The following ABTB2 variants were observed in gnomAD, a reference collection of about 807,000 sequenced individuals.
ABTB2 encodes the protein ankyrin repeat and BTB domain containing 2.
ABTB2 carries 56 observed loss-of-function variants against 104.1 expected under a neutral mutation model. That is an observed-to-expected ratio of 0.54 (90% CI 0.43 to 0.67). ABTB2 has a LOEUF of 0.67. Ranked by LOEUF, ABTB2 falls within the 30% of genes least tolerant of loss-of-function variation. The pLI is 0.00. For synonymous variants in ABTB2, 606 were observed against 608.2 expected, an observed-to-expected ratio of 1.00 and a Z score of 0.05; for missense variants, 1,279 against 1,407.7, an observed-to-expected ratio of 0.91 and a Z score of 1.46.
At chr11:34,292,228 A>C (rs1024978895) in intron 1 of ABTB2, among the ~76,000 whole-genome samples, 1 of 152,214 alleles carries the variant, frequency 6.6e-6, no homozygotes, top group African/African-American at 2.4e-5. Context: ...GAGGGAAGGA[A>C]AAGCCGCAGT....
chr11:34,154,698 C>T lies in ABTB2; in HGVS notation c.2766+3G>A, dbSNP rs1474408736. 6.2e-7 allele frequency: 1 copy of T among 1,614,170 alleles called. No homozygotes were observed. Among genetic ancestry groups the T allele is most frequent in the Non-Finnish European group, 8.5e-7 (1 of 1,179,986 alleles). ...GGCCCCCTCCCCCTCTCCCGAGTCT[C>T]ACCTCCAGGATGTCAGTGGTGGGGA... On this transcript the variant is annotated splice_donor_region_variant and intron_variant, in intron 15 of 16. Transcript: ENST00000435224. The surrounding 1 kb of genome is among the most constrained non-coding windows in gnomAD (Gnocchi z 4.9).
chr11:34,290,008 A>G (rs867815572), intron 1 of ABTB2, among the ~76,000 whole-genome samples: 1 of 152,174 alleles, frequency 6.6e-6, no homozygotes, highest in South Asian at 2.1e-4. Context: ...CAATTATTTC[A>G]CCTCCAACAG....
At chr11:34,184,101 G>A (rs909326397) in intron 3 of ABTB2, among the ~76,000 whole-genome samples, 3 of 150,386 alleles carry the variant, frequency 2.0e-5, no homozygotes, top group South Asian at 2.1e-4. Flanking sequence ...TCTATGTTGC[G>A]CAGGCTTGAG....
chr11:34,267,070 T>A (rs1854261416), intron 1 of ABTB2, among the ~76,000 whole-genome samples: 1 of 152,030 alleles, frequency 6.6e-6, no homozygotes, highest in African/African-American at 2.4e-5. Flanking sequence ...AGAGGAAAAT[T>A]CTCTCAATGT....
At position 34,161,778 on chromosome 11, in the gene ABTB2, C is replaced by T. The variant is rs1434295296; in HGVS notation, c.2219-697G>A. 4.6e-5 allele frequency among the ~76,000 whole-genome samples: 7 copies of T among 152,202 alleles called. No individual in the cohort carries two copies. The East Asian group carries it at 1.3e-3, about 29-fold the overall frequency. ...GAGAGACAGCTTCTTACCCCAACCT[C>T]ACTGTGGATCAAAGAACTGACGGCA... On this transcript the variant is annotated intron_variant, in intron 10 of 16. Transcript: ENST00000435224.
chr11:34,189,034 A>G (rs1853138864), intron 3 of ABTB2: 1 of 152,218 alleles, frequency 6.6e-6, no homozygotes, highest in Admixed American at 6.5e-5. Flanking sequence ...AGCCAGAAGA[A>G]AAGAGCTGGG....
At chr11:34,235,725 G>C (rs573220200) in intron 1 of ABTB2, among the ~76,000 whole-genome samples, 264 of 152,298 alleles carry the variant, frequency 1.7e-3, no homozygotes, top group African/African-American at 5.9e-3. Flanking sequence ...CCACTCCTAT[G>C]AAGTAGCAAC....
At chr11:34,191,352 T>C (rs11032544) in intron 3 of ABTB2, among the ~76,000 whole-genome samples, 8,798 of 152,284 alleles carry the variant, frequency 0.058, 869 homozygotes, top group African/African-American at 0.2. Context: ...CTCCAGCTCT[T>C]TGAAATTCTG....
At chr11:34,157,114 T>C (rs991053099) in intron 14 of ABTB2, among the ~76,000 whole-genome samples, 1 of 152,152 alleles carries the variant, frequency 6.6e-6, no homozygotes, top group African/African-American at 2.4e-5. Flanking sequence ...CAGGCTTTGT[T>C]AGGGAGCCCT....
At chr11:34,281,120 T>C (rs923577440) in intron 1 of ABTB2, among the ~76,000 whole-genome samples, 1 of 152,066 alleles carries the variant, frequency 6.6e-6, no homozygotes, top group African/African-American at 2.4e-5. Flanking sequence ...CCCAAACCAC[T>C]GTCTCAGCAA....
rs1214947518 is a variant in ABTB2 at position 34,356,692 on chromosome 11, C to A, written c.883+9G>T. The A allele has an allele frequency of 1.3e-6, 2 of 1,572,846 alleles. No homozygotes were observed. Among genetic ancestry groups the A allele is most frequent in the Non-Finnish European group, 1.7e-6 (2 of 1,152,136 alleles). The stretch of plus-strand genomic sequence containing the variant: ...ACCCAGTCTGCCAGTCCGAGGCCCG[C>A]GCGCTTACCATTGGCGTTCTTGCCG... On this transcript the variant is annotated intron_variant, in intron 1 of 16. Coordinates refer to ENST00000435224, the MANE Select transcript of ABTB2 (RefSeq NM_145804.3). The surrounding 1 kb of genome is among the most constrained non-coding windows in gnomAD (Gnocchi z 4.6).
chr11:34,346,856 C>T lies in ABTB2; in HGVS notation c.883+9845G>A, dbSNP rs190566896. 3.3e-5 allele frequency among the ~76,000 whole-genome samples: 5 copies of T among 152,314 alleles called. No homozygotes were observed. The East Asian group carries it at 9.6e-4, about 29-fold the overall frequency. On this transcript the variant is annotated intron_variant, in intron 1 of 16. Transcript: ENST00000435224. ...CCGGATGCTTGTGCACGTACACCCA[C>T]TTGGTGTGTGAGCCTCAGGCTTGTG...
intron 1 of ABTB2, among the ~76,000 whole-genome samples, chr11:34,351,214 C>A (rs1040971069): frequency 7.2e-5 from 11 of 152,054 alleles, no homozygotes; most frequent in Admixed American, 2.0e-4. Context: ...TTGGTTCAGT[C>A]CTCAGACTGG....
At chr11:34,164,652 C>T in intron 9 of ABTB2, 34 bp downstream of exon 9, 2 of 1,456,594 alleles carry the variant, frequency 1.4e-6, no homozygotes, top group Non-Finnish European at 1.8e-6. Context: ...TCAGTGCCCT[C>T]ATGTCACACA....
intron 1 of ABTB2, among the ~76,000 whole-genome samples, chr11:34,294,212 C>G (rs1298236417): frequency 6.6e-6 from 1 of 152,054 alleles, no homozygotes; most frequent in African/African-American, 2.4e-5. Flanking sequence ...GGGCCATAGT[C>G]CCACCCACTC....
intron 1 of ABTB2, among the ~76,000 whole-genome samples, chr11:34,279,787 C>CTTTTTTTTT: frequency 7.7e-6 from 1 of 129,542 alleles, no homozygotes; most frequent in African/African-American, 2.9e-5. Context: ...CTTTCTTCTT[C>CTTTTTTTTT]TTTTTTTTTT....
intron 2 of ABTB2, among the ~76,000 whole-genome samples, chr11:34,202,528 A>G (rs1446746397): frequency 6.6e-6 from 1 of 152,178 alleles, no homozygotes; most frequent in Non-Finnish European, 1.5e-5. Flanking sequence ...GAGTGACACA[A>G]CCCAATTTAA....
chr11:34,336,850 C>T (rs190902714), intron 1 of ABTB2, among the ~76,000 whole-genome samples: 78 of 152,156 alleles, frequency 5.1e-4, no homozygotes, highest in African/African-American at 1.8e-3. Context: ...GACTAACATA[C>T]GGGAGACTCA....
Position 34,167,295 on chromosome 11 carries a change from T to C in ABTB2, c.1719A>G (p.Thr573=), listed in dbSNP as rs1356883023. 2.5e-6 allele frequency: 4 copies of C among 1,613,268 alleles called. No individual in the cohort carries two copies. Among genetic ancestry groups the C allele is most frequent in the East Asian group, 4.5e-5 (2 of 44,838 alleles). Reference sequence around the variant, plus strand: ...AGATGTGTCCATGCAGCACAGCGAATGTCAGTGAGGTCCAGTGCCGGCTGT... The same window carrying C: ...AGATGTGTCCATGCAGCACAGCGAACGTCAGTGAGGTCCAGTGCCGGCTGT... ...HPDSRHWTSL[T]FAVLHGHISV... The change falls in exon 7 of 17, where the codon ACA becomes ACG. Residue 573 remains threonine, a synonymous_variant. Transcript: ENST00000435224.
Sources: gnomAD v4.1 joint callset for allele counts (sites outside exome capture counted in the v4.1 genomes callset) on GRCh38, gnomAD v4.1.1 for gene constraint, Gnocchi (gnomAD v3.1) non-coding constraint, MANE v1.5 for transcripts, NCBI Gene and HGNC (gene_info 2026-07-23, HGNC 2026-07-21) for gene names.